The following TTC6 variants were observed in gnomAD, a reference collection of about 807,000 sequenced individuals.
The protein encoded by TTC6 is tetratricopeptide repeat domain 6, also known as tetratricopeptide repeat protein 6.
A neutral mutation model predicts 210.4 loss-of-function variants in TTC6; 172 were observed. The observed-to-expected ratio is 0.82, with a 90% CI of 0.72 to 0.93. TTC6 has a LOEUF of 0.93. Ranked by LOEUF, TTC6 falls within the 40% of genes least tolerant of loss-of-function variation. TTC6 has a pLI of 0.00. For missense variants in TTC6, 2,414 were observed against 2,318.1 expected (o/e 1.04, Z -0.85); for synonymous variants, 804 against 819.6 (o/e 0.98, Z 0.32).
At position 37,787,505 on chromosome 14, in the gene TTC6, T is replaced by A. The variant is rs1338737352; in HGVS notation, c.3304T>A (p.Tyr1102Asn). ...GATTGCATATGTTAAATGGAAATTT[T>A]ATAAAGAAGCAACTCAAGATTTTTC... Residue 1102 changes from tyrosine to asparagine, a missense_variant, in exon 15 of 31, where the codon TAT becomes AAT. Transcript: ENST00000553443. 4.6e-6 allele frequency: 7 copies of A among 1,529,738 alleles called. No homozygotes were observed. In the South Asian group the frequency reaches 8.4e-5, roughly 18 times the overall value. 94.8% of individuals were successfully genotyped at this position (1,529,738 alleles called of 1,614,324 possible). A position where few individuals can be genotyped will look rare whatever the true frequency, so the allele number is the denominator to read the frequency against.
chr14:37,746,532 T>A (rs1204967169), intron 10 of TTC6, among the ~76,000 whole-genome samples: 1 of 152,118 alleles, frequency 6.6e-6, no homozygotes, highest in Non-Finnish European at 1.5e-5. Flanking sequence ...TTAACAAGCC[T>A]TTGGGTAATT....
intron 26 of TTC6, among the ~76,000 whole-genome samples, chr14:37,823,429 C>T (rs755413418): frequency 2.0e-5 from 3 of 152,082 alleles, no homozygotes; most frequent in Non-Finnish European, 2.9e-5. Flanking sequence ...TAATTGATAC[C>T]TGTTAAAAAC....
intron 25 of TTC6, among the ~76,000 whole-genome samples, chr14:37,814,298 G>A (rs8018992): frequency 0.04 from 6,070 of 152,164 alleles, 399 homozygotes; most frequent in African/African-American, 0.14. Context: ...TTACACAAGC[G>A]AGTCCCTATG....
intron 28 of TTC6, among the ~76,000 whole-genome samples, chr14:37,826,636 A>G (rs1310875621): frequency 6.6e-6 from 1 of 152,120 alleles, no homozygotes; most frequent in Admixed American, 6.6e-5. Flanking sequence ...AAGTGAATGC[A>G]TAACATAAAA....
At chr14:37,806,543 A>G in intron 22 of TTC6, 33 bp downstream of exon 24, 1 of 1,474,786 alleles carries the variant, frequency 6.8e-7, no homozygotes, top group Admixed American at 2.2e-5. Flanking sequence ...TGAGTTGGAA[A>G]GTGTTAAGTT....
chr14:37,665,270 T>C (rs926379179), intron 1 of TTC6, among the ~76,000 whole-genome samples: 1 of 150,442 alleles, frequency 6.6e-6, no homozygotes, highest in African/African-American at 2.4e-5. Flanking sequence ...AATGATAGAA[T>C]GAATAAAGGA....
At position 37,701,423 on chromosome 14, in the gene TTC6, C is replaced by T. The variant is rs1198469731; in HGVS notation, c.1468C>T (p.Arg490Ter). 5.9e-6 allele frequency: 9 copies of T among 1,533,156 alleles called. No individual in the cohort carries two copies. The highest frequency in any genetic ancestry group is 4.9e-5 in the East Asian group (2 of 40,818). 95.0% of individuals were successfully genotyped at this position (1,533,156 alleles called of 1,614,324 possible). A position where few individuals can be genotyped will look rare whatever the true frequency, so the allele number is the denominator to read the frequency against. ...GCCTGTTGACTTGCGCCTGGCTTCT[C>T]GAGTGTATCACACTGCTAACAGGAA... Residue 490 changes from arginine to a stop codon, truncating the protein, a stop_gained, in exon 5 of 31, where the codon CGA becomes TGA. Transcript: ENST00000553443. LOFTEE classifies it high-confidence loss of function.
intron 1 of TTC6, among the ~76,000 whole-genome samples, chr14:37,649,007 C>T (rs1002298775): frequency 1.3e-5 from 2 of 152,026 alleles, no homozygotes; most frequent in South Asian, 4.1e-4. Context: ...ACCTCCCCAC[C>T]CCCCAGGATA....
chr14:37,803,062 G>T (rs1436018739), intron 20 of TTC6, among the ~76,000 whole-genome samples: 1 of 152,036 alleles, frequency 6.6e-6, no homozygotes, highest in Non-Finnish European at 1.5e-5. Flanking sequence ...CAGATTCTGT[G>T]ATCATTACTC....
intron 1 of TTC6, among the ~76,000 whole-genome samples, chr14:37,670,991 C>G (rs2095757144): frequency 6.6e-6 from 1 of 152,138 alleles, no homozygotes; most frequent in Admixed American, 6.5e-5. Context: ...CAACAAATCA[C>G]CCCAAAATTT....
intron 7 of TTC6, among the ~76,000 whole-genome samples, chr14:37,734,980 A>G (rs1381282435): frequency 1.3e-5 from 2 of 152,158 alleles, no homozygotes; most frequent in Admixed American, 6.5e-5. Context: ...GCATATGACA[A>G]AATGGTTTGA....
chr14:37,660,795 T>C (rs1269059222), intron 1 of TTC6, among the ~76,000 whole-genome samples: 1 of 152,202 alleles, frequency 6.6e-6, no homozygotes, highest in East Asian at 1.9e-4. Context: ...TAATTTACAC[T>C]CCCACCAATG....
chr14:37,717,079 A>G (rs1265068330), intron 6 of TTC6, among the ~76,000 whole-genome samples: 1 of 152,118 alleles, frequency 6.6e-6, no homozygotes, highest in African/African-American at 2.4e-5. Context: ...TTTGTGGGAC[A>G]TAGCTAAGCA....
intron 28 of TTC6, among the ~76,000 whole-genome samples, 167 bp from the exon 31 acceptor site, chr14:37,827,029 C>A (rs980242828): frequency 6.6e-6 from 1 of 152,078 alleles, no homozygotes; most frequent in Non-Finnish European, 1.5e-5. Flanking sequence ...ACTAAACCAA[C>A]TTCATACCAA....
Position 37,748,169 on chromosome 14 carries a change from G to A in TTC6, c.2364-770G>A, listed in dbSNP as rs567151907. 2.0e-4 allele frequency among the ~76,000 whole-genome samples: 30 copies of A among 152,330 alleles called. No individual in the cohort carries two copies. In the South Asian group the frequency reaches 6.0e-3, roughly 31 times the overall value. On this transcript the variant is annotated intron_variant, in intron 10 of 30. Coordinates refer to ENST00000553443, the Ensembl canonical transcript of TTC6. ...GAATAGATGATGGTGGCTTGCACTA[G>A]AATGTGGAAAGGAATAGATAACTTA...
intron 1 of TTC6, among the ~76,000 whole-genome samples, chr14:37,646,725 C>T (rs967405309): frequency 2.0e-5 from 3 of 152,116 alleles, no homozygotes; most frequent in African/African-American, 7.2e-5. Flanking sequence ...TCTAAATTTA[C>T]AAAATGAACT....
chr14:37,622,459 C>G lies in TTC6; in HGVS notation c.395C>G (p.Ala132Gly), dbSNP rs1313722336. ...AGCTCCGCGTTCCTACGGCACCAGG[C>G]CCTGAAAAAGCCCCCAGTCATCGCC... Residue 132 changes from alanine (A) to glycine (G), a missense_variant, in exon 1 of 31, where the codon GCC becomes GGC. Transcript: ENST00000553443. The G allele has an allele frequency of 5.2e-6, 8 of 1,535,208 alleles. No individual in the cohort carries two copies. The South Asian group carries it at 9.5e-5, about 18-fold the overall frequency.
At chr14:37,742,988 T>C (rs1262257879) in intron 10 of TTC6, among the ~76,000 whole-genome samples, 1 of 152,258 alleles carries the variant, frequency 6.6e-6, no homozygotes, top group Non-Finnish European at 1.5e-5. Context: ...TCCTTATTTT[T>C]ATATCAACGA....
chr14:37,614,068 T>A (rs1288308414), intron 2 of TTC6, among the ~76,000 whole-genome samples: 1 of 152,110 alleles, frequency 6.6e-6, no homozygotes, highest in Non-Finnish European at 1.5e-5. Context: ...CCTTTCTTCT[T>A]TTTGATTTCA....
Sources: gnomAD v4.1 joint callset for allele counts (sites outside exome capture counted in the v4.1 genomes callset) on GRCh38, gnomAD v4.1.1 for gene constraint, MANE v1.5 for transcripts, NCBI Gene and HGNC (gene_info 2026-07-23, HGNC 2026-07-21) for gene names.